The following NPTN variants were observed in gnomAD, a reference collection of about 807,000 sequenced individuals.
NPTN encodes the protein SDR-1.
Under a neutral mutation model 42.7 loss-of-function variants are expected in NPTN, and 5 were observed. That is an observed-to-expected ratio of 0.12 (90% CI 0.06 to 0.25). The LOEUF is 0.25. Ranked by LOEUF, NPTN falls within the 10% of genes least tolerant of loss-of-function variation. NPTN has a pLI of 1.00. For synonymous variants in NPTN, 180 were observed against 201.9 expected (o/e 0.89, Z 0.92); for missense variants, 307 against 525.4 (o/e 0.58, Z 4.06).
intron 2 of NPTN, among the ~76,000 whole-genome samples, chr15:73,594,103 T>C (rs1373289054): frequency 6.6e-6 from 1 of 152,128 alleles, no homozygotes; most frequent in African/African-American, 2.4e-5. Context: ...TAAAAAAATA[T>C]AAAGGCAACA....
intron 1 of NPTN, among the ~76,000 whole-genome samples, chr15:73,599,842 G>A (rs1350741634): frequency 6.6e-6 from 1 of 152,086 alleles, no homozygotes; most frequent in Non-Finnish European, 1.5e-5. Context: ...GGGAGTTACA[G>A]CCTCTCAAAT....
At chr15:73,561,588 G>A (rs991301738) in intron 8 of NPTN, among the ~76,000 whole-genome samples, 4 of 152,132 alleles carry the variant, frequency 2.6e-5, no homozygotes, top group Admixed American at 6.5e-5. Context: ...GCTGGGGCAG[G>A]AGAATTGCTT....
intron 4 of NPTN, 111 bp downstream of exon 4, chr15:73,587,413 A>C: frequency 2.6e-6 from 2 of 758,572 alleles, no homozygotes; most frequent in Non-Finnish European, 4.5e-6. Context: ...ACAACATTAT[A>C]TTGTGTCTCG....
intron 1 of NPTN, among the ~76,000 whole-genome samples, chr15:73,629,647 T>C (rs1438147167): frequency 2.6e-5 from 4 of 152,116 alleles, no homozygotes; most frequent in African/African-American, 9.7e-5. Context: ...CATTGAACAG[T>C]GTTAATTTTG....
chr15:73,591,281 A>C (rs369551384), intron 3 of NPTN, among the ~76,000 whole-genome samples: 3 of 152,186 alleles, frequency 2.0e-5, no homozygotes, highest in African/African-American at 7.2e-5. Context: ...TAACCTTCTA[A>C]GCAGGATTAG....
chr15:73,592,419 G>A (rs1037070596), intron 2 of NPTN, among the ~76,000 whole-genome samples: 1 of 152,130 alleles, frequency 6.6e-6, no homozygotes, highest in Non-Finnish European at 1.5e-5. Context: ...ATCCACTTAC[G>A]TTTTTGAATA....
chr15:73,612,701 C>T (rs1243644144), intron 1 of NPTN, among the ~76,000 whole-genome samples: 1 of 152,078 alleles, frequency 6.6e-6, no homozygotes, highest in Non-Finnish European at 1.5e-5. Context: ...ACCCGGGAGG[C>T]GGAGCTTGCA....
intron 4 of NPTN, among the ~76,000 whole-genome samples, chr15:73,580,515 TAATA>T (rs1330372501): frequency 1.4e-4 from 18 of 130,368 alleles, no homozygotes; most frequent in African/African-American, 5.7e-4. Flanking sequence ...ATATTATATA[TAATA>T]TAGTTATATA....
rs10539085 is a variant in NPTN, at chr15:73,567,002, C to CT, written c.1114+3147dup. The CT allele has an allele frequency of 4.3e-3, 3,563 of 827,994 alleles. 49 individuals are homozygous for CT. The African/African-American group carries it at 0.044, about 10-fold the overall frequency. 51.3% of individuals were successfully genotyped at this position (827,994 alleles called of 1,614,324 possible). A position where few individuals can be genotyped will look rare whatever the true frequency, so the allele number is the denominator to read the frequency against. On this transcript the variant is annotated intron_variant, in intron 6 of 8. Coordinates refer to ENST00000345330, the MANE Select transcript of NPTN (RefSeq NM_012428.4). ...GTAGGTAAAGAAAAAAGACATGGGG[C>CT]TTTTTTTTTTTTTTTTTTTTTAAAG...
At position 73,633,297 on chromosome 15, in the gene NPTN, G is replaced by A; in HGVS notation, c.-82C>T. 2 of 985,854 alleles carry A rather than the reference G, an allele frequency of 2.0e-6. No homozygotes were observed. The highest frequency in any genetic ancestry group is 2.9e-6 in the Non-Finnish European group (2 of 699,674). The allele number at this position is 985,854 out of a possible 1,614,324, so 61.1% of individuals were successfully genotyped here. On this transcript the variant is annotated 5_prime_UTR_variant, in exon 1 of 9. Coordinates refer to ENST00000345330, the MANE Select transcript of NPTN (RefSeq NM_012428.4). ...AAGGGAGGGGAGGGAGGGAGGGGGC[G>A]GGCGAGTGCGCGAGGGAGTGAGCGA...
At chr15:73,589,139 C>T (rs1291798650) in intron 3 of NPTN, among the ~76,000 whole-genome samples, 1 of 151,968 alleles carries the variant, frequency 6.6e-6, no homozygotes, top group Non-Finnish European at 1.5e-5. Context: ...TGAGATCAGC[C>T]TGGGAAACAT....
chr15:73,580,271 G>A (rs546186217), intron 4 of NPTN, among the ~76,000 whole-genome samples: 68 of 150,704 alleles, frequency 4.5e-4, no homozygotes, highest in African/African-American at 1.6e-3. Flanking sequence ...AATGCATGTG[G>A]GGCTTAAAAC....
chr15:73,611,288 A>G (rs1188163450), intron 1 of NPTN, among the ~76,000 whole-genome samples: 1 of 152,222 alleles, frequency 6.6e-6, no homozygotes, highest in African/African-American at 2.4e-5. Flanking sequence ...TAAATAATTA[A>G]AAGTTCCCAC....
intron 1 of NPTN, among the ~76,000 whole-genome samples, chr15:73,613,640 T>C (rs1005811435): frequency 4.6e-5 from 7 of 152,160 alleles, no homozygotes; most frequent in East Asian, 1.9e-4. Context: ...TACTCTCTAA[T>C]AGTGTCTCAG....
intron 1 of NPTN, among the ~76,000 whole-genome samples, chr15:73,624,237 CA>C: frequency 6.6e-6 from 1 of 152,206 alleles, no homozygotes; most frequent in Admixed American, 6.5e-5. Context: ...GATACGTGAT[CA>C]CTATGTTATT....
intron 1 of NPTN, among the ~76,000 whole-genome samples, chr15:73,599,297 G>C (rs759726069): frequency 6.6e-6 from 1 of 152,086 alleles, no homozygotes; most frequent in Non-Finnish European, 1.5e-5. Flanking sequence ...ACCTGTCAAA[G>C]TCAATGCCAG....
chr15:73,612,770 AAAAT>A (rs748431602), intron 1 of NPTN, among the ~76,000 whole-genome samples: 3 of 152,172 alleles, frequency 2.0e-5, no homozygotes, highest in Non-Finnish European at 1.5e-5. Context: ...CTCTGTCTCA[AAAAT>A]AAATAAATAA....
chr15:73,610,536 A>G (rs1254043314), intron 1 of NPTN, among the ~76,000 whole-genome samples: 1 of 152,192 alleles, frequency 6.6e-6, no homozygotes, highest in Non-Finnish European at 1.5e-5. Flanking sequence ...CATAATCCCA[A>G]CCAAATTTTC....
At chr15:73,571,529 G>C (rs745740848) in intron 5 of NPTN, among the ~76,000 whole-genome samples, 4 of 152,164 alleles carry the variant, frequency 2.6e-5, no homozygotes, top group Non-Finnish European at 4.4e-5. Context: ...GTCAGGGAAA[G>C]CTTCACACAT....
Sources: allele counts gnomAD v4.1 joint callset (sites outside exome capture counted in the v4.1 genomes callset), GRCh38; gene constraint gnomAD v4.1.1; transcripts MANE v1.5; gene names NCBI Gene and HGNC (gene_info 2026-07-23, HGNC 2026-07-21).